NDST4: variants seen among roughly 807,000 people sequenced by gnomAD.
The protein encoded by NDST4 is N-deacetylase and N-sulfotransferase 4, also known as N-heparan sulfate sulfotransferase 4.
Under a neutral mutation model 100.8 loss-of-function variants are expected in NDST4, and 63 were observed. That is an observed-to-expected ratio of 0.62 (90% CI 0.51 to 0.77). The LOEUF (loss-of-function observed/expected upper bound fraction) is 0.77, where lower values mean the gene tolerates loss of function less well. NDST4 is among the 30% of genes least tolerant of loss of function. The pLI, the probability that NDST4 is intolerant of heterozygous loss-of-function variation, is 0.00. For synonymous variants in NDST4, 377 were observed against 361.8 expected (o/e 1.04, Z -0.48); for missense variants, 943 against 1,018.4 (o/e 0.93, Z 1.01).
chr4:115,027,649 T>G (rs1205067039), intron 2 of NDST4, among the ~76,000 whole-genome samples: 5 of 152,176 alleles, frequency 3.3e-5, no homozygotes, highest in African/African-American at 1.2e-4. Context: ...ATATCCTGAT[T>G]GATTTTGTAA....
chr4:114,948,958 T>A (rs1190725594), intron 4 of NDST4, among the ~76,000 whole-genome samples: 1 of 152,070 alleles, frequency 6.6e-6, no homozygotes, highest in African/African-American at 2.4e-5. Flanking sequence ...TTATCCAATT[T>A]AAATAGTCAT....
chr4:114,938,986 A>G (rs1275966520), intron 4 of NDST4, among the ~76,000 whole-genome samples: 1 of 152,182 alleles, frequency 6.6e-6, no homozygotes, highest in Non-Finnish European at 1.5e-5. Flanking sequence ...TCTTCCTAGC[A>G]CTTGTGTTTC....
At position 114,849,774 on chromosome 4, in the gene NDST4, CTT is replaced by C. The variant is rs371101358; in HGVS notation, c.1817-1438_1817-1437del. 8.1e-3 allele frequency among the ~76,000 whole-genome samples: 1,231 copies of C among 152,232 alleles called. 87 individuals carry two copies. In the South Asian group the frequency reaches 0.17, roughly 22 times the overall value. On this transcript the variant is annotated intron_variant, in intron 8 of 13. Transcript: ENST00000264363. Reference sequence around the variant, plus strand: ...CAAATGTGAAATCGAATTATACAAACTTGATTAAAAGAATGAAGGAGACAGAA... The same window carrying C: ...CAAATGTGAAATCGAATTATACAAACGATTAAAAGAATGAAGGAGACAGAA...
intron 6 of NDST4, among the ~76,000 whole-genome samples, chr4:114,890,282 A>G (rs185077884): frequency 3.8e-4 from 58 of 152,228 alleles, no homozygotes; most frequent in African/African-American, 1.3e-3. Context: ...ATATTTATAA[A>G]TCTAATGCAA....
At chr4:115,065,778 C>G (rs1728933450) in intron 2 of NDST4, among the ~76,000 whole-genome samples, 1 of 152,136 alleles carries the variant, frequency 6.6e-6, no homozygotes, top group African/African-American at 2.4e-5. Flanking sequence ...CGTTCTATAA[C>G]AGAATAGGGG....
intron 4 of NDST4, among the ~76,000 whole-genome samples, chr4:114,939,044 A>G (rs902371085): frequency 1.3e-5 from 2 of 152,202 alleles, no homozygotes; most frequent in Non-Finnish European, 2.9e-5. Context: ...GTACTTGGAA[A>G]CTACCAGAGA....
intron 2 of NDST4, among the ~76,000 whole-genome samples, chr4:115,040,908 G>A (rs1287913762): frequency 6.6e-6 from 1 of 151,912 alleles, no homozygotes; most frequent in Non-Finnish European, 1.5e-5. Flanking sequence ...CAAAAAACAA[G>A]TAATTGCCCA....
At chr4:115,057,184 G>A (rs958336746) in intron 2 of NDST4, among the ~76,000 whole-genome samples, 1 of 152,116 alleles carries the variant, frequency 6.6e-6, no homozygotes, top group African/African-American at 2.4e-5. Flanking sequence ...TATATCAATG[G>A]AGGTACAGTG....
At chr4:115,091,653 C>A (rs1434388376) in intron 1 of NDST4, among the ~76,000 whole-genome samples, 1 of 152,000 alleles carries the variant, frequency 6.6e-6, no homozygotes, top group Non-Finnish European at 1.5e-5. Context: ...TATAATTTAT[C>A]ATTTACATGA....
intron 4 of NDST4, among the ~76,000 whole-genome samples, chr4:114,967,762 G>C (rs1249245125): frequency 6.6e-6 from 1 of 151,998 alleles, no homozygotes; most frequent in Non-Finnish European, 1.5e-5. Flanking sequence ...AGTAAAAAAT[G>C]ACCCCTTGTA....
intron 11 of NDST4, among the ~76,000 whole-genome samples, chr4:114,834,586 T>C (rs1274250561): frequency 6.6e-6 from 1 of 152,106 alleles, no homozygotes; most frequent in Non-Finnish European, 1.5e-5. Context: ...GGGCTTCAAT[T>C]TGCCCTGAGC....
intron 2 of NDST4, among the ~76,000 whole-genome samples, chr4:115,066,432 G>T (rs555588646): frequency 2.0e-5 from 3 of 152,136 alleles, no homozygotes; most frequent in Admixed American, 6.6e-5. Flanking sequence ...TACTTACAAT[G>T]ATATTTTCAA....
At chr4:115,003,969 G>A (rs555037172) in intron 2 of NDST4, among the ~76,000 whole-genome samples, 6 of 152,218 alleles carry the variant, frequency 3.9e-5, no homozygotes, top group Admixed American at 1.3e-4. Flanking sequence ...TCAATAAGAG[G>A]CTGAGTGGGG....
intron 2 of NDST4, among the ~76,000 whole-genome samples, chr4:114,977,600 T>G (rs1175614583): frequency 6.6e-6 from 1 of 151,996 alleles, no homozygotes; most frequent in Non-Finnish European, 1.5e-5. Flanking sequence ...ACTTCCTTTA[T>G]GTGGTGAAAA....
At chr4:114,992,248 A>T (rs955290979) in intron 2 of NDST4, among the ~76,000 whole-genome samples, 1 of 151,528 alleles carries the variant, frequency 6.6e-6, no homozygotes, top group Non-Finnish European at 1.5e-5. Context: ...TCCTTAAGCT[A>T]CTCTTGCCTG....
At chr4:114,947,787 T>A (rs921326675) in intron 4 of NDST4, among the ~76,000 whole-genome samples, 1 of 152,188 alleles carries the variant, frequency 6.6e-6, no homozygotes, top group African/African-American at 2.4e-5. Context: ...CATATTTCTC[T>A]TCATTCTTAG....
chr4:115,084,677 C>T (rs1367114104), intron 1 of NDST4, among the ~76,000 whole-genome samples: 4 of 152,164 alleles, frequency 2.6e-5, no homozygotes, highest in Admixed American at 2.0e-4. Flanking sequence ...GGGTGCAAGC[C>T]CCAAGCCTTG....
chr4:114,914,755 A>C (rs1222819382), intron 6 of NDST4, among the ~76,000 whole-genome samples: 4 of 152,182 alleles, frequency 2.6e-5, no homozygotes, highest in African/African-American at 9.7e-5. Flanking sequence ...GCTGAGGTAG[A>C]AGGAAATGGA....
At chr4:114,877,062 TAACA>T (rs1724269190) in intron 6 of NDST4, among the ~76,000 whole-genome samples, 2 of 131,524 alleles carry the variant, frequency 1.5e-5, no homozygotes, top group Non-Finnish European at 3.1e-5. Flanking sequence ...TAAGTGTTAT[TAACA>T]CACACACACA....
Sources: allele counts gnomAD v4.1 joint callset (sites outside exome capture counted in the v4.1 genomes callset), GRCh38; gene constraint gnomAD v4.1.1; transcripts MANE v1.5; gene names NCBI Gene and HGNC (gene_info 2026-07-23, HGNC 2026-07-21).